Variants in EHD1 observed in about 807,000 individuals in gnomAD.
EHD1 encodes EH domain-containing protein 1.
In EHD1, 19 loss-of-function variants were observed where a neutral mutation model predicts 39.0. The ratio of observed to expected loss-of-function variants is 0.49; its 90% confidence interval spans 0.34 to 0.72. The LOEUF (loss-of-function observed/expected upper bound fraction) is 0.72, where lower values mean the gene tolerates loss of function less well. Among genes scored for constraint, EHD1 ranks in the 30% least tolerant of loss-of-function variants. The probability of loss-of-function intolerance (pLI) is 0.01; values close to 1 mark genes in which losing one functional copy is unlikely to be tolerated. For synonymous variants in EHD1, 323 were observed against 331.2 expected (o/e 0.98, Z 0.27); for missense variants, 542 against 751.5 (o/e 0.72, Z 3.26).
rs1182999011 is a variant in EHD1, at chr11:64,862,736, A to AGGT, written c.503-2403_503-2401dup. ...ACATAGCAAAATCCCGACTCTACAA[A>AGGT]GGTGGTGCAGGCCTGTAGTCCCAGC... On this transcript the variant is annotated intron_variant, in intron 2 of 4. Coordinates refer to ENST00000320631, the MANE Select transcript of EHD1 (RefSeq NM_006795.4). 3.9e-5 allele frequency among the ~76,000 whole-genome samples: 6 copies of AGGT among 152,216 alleles called. No homozygotes were observed. In the East Asian group the frequency reaches 1.2e-3, roughly 29 times the overall value.
chr11:64,852,911 C>G lies in EHD1; in HGVS notation c.*1422G>C. The stretch of plus-strand genomic sequence containing the variant: ...AGAACAAGGCCAGTTCCTGCAGACT[C>G]CGAGCAGCGCTGGGGAGAAGCTCCC... On this transcript the variant is annotated 3_prime_UTR_variant, in exon 5 of 5. Transcript: ENST00000320631. 6.6e-6 allele frequency: 1 copy of G among 152,400 alleles called. No individual in the cohort carries two copies. Among genetic ancestry groups the G allele is most frequent in the East Asian group, 1.9e-4 (1 of 5,202 alleles). 9.4% of individuals were successfully genotyped at this position (152,400 alleles called of 1,614,324 possible).
chr11:64,878,413 A>G lies in EHD1; in HGVS notation c.52T>C (p.Phe18Leu). 3 of 1,613,754 alleles carry G rather than the reference A, an allele frequency of 1.9e-6. No individual in the cohort carries two copies. The highest frequency in any genetic ancestry group is 1.7e-6 in the Non-Finnish European group (2 of 1,179,958). Reference protein sequence around the residue: ...DARRKKEPELFQTVAEGLRQL... With the variant: ...DARRKKEPELLQTVAEGLRQL... ...CGCAGCCCCTCAGCCACCGTCTGGA[A>G]GAGCTCCGGCTCCTTCTTGCGGCGG... Residue 18 changes from phenylalanine (F) to leucine (L), a missense_variant, in exon 1 of 5, where the codon TTC (phenylalanine) becomes CTC (leucine). Phe to Leu is a conservative substitution (Grantham distance 22). Coordinates refer to ENST00000320631, the MANE Select transcript of EHD1 (RefSeq NM_006795.4).
intron 2 of EHD1, among the ~76,000 whole-genome samples, chr11:64,866,534 T>G (rs977620723): frequency 4.0e-5 from 6 of 151,814 alleles, no homozygotes; most frequent in South Asian, 4.2e-4. Flanking sequence ...TTAAAAAAAT[T>G]TGGGTGTGGT....
Position 64,878,075 on chromosome 11 carries a change from G to C in EHD1, c.390C>G (p.Asn130Lys). 6.6e-7 allele frequency: 1 copy of C among 1,522,362 alleles called. No homozygotes were observed. Among genetic ancestry groups the C allele is most frequent in the South Asian group, 1.3e-5 (1 of 78,828 alleles). 94.3% of individuals were successfully genotyped at this position (1,522,362 alleles called of 1,614,324 possible). A position where few individuals can be genotyped will look rare whatever the true frequency, so the allele number is the denominator to read the frequency against. The change falls in exon 1 of 5, where the codon AAC (asparagine) becomes AAG (lysine). Residue 130 changes from asparagine (N) to lysine (K), a missense_variant. By Grantham distance (94) the Asn-to-Lys change is moderately conservative. Transcript: ENST00000320631. Reference sequence around the variant, plus strand: ...TGGGTGGGTACCTGTTGAGGAAAGCGTTGCCAAACGCGTTGAGCTTGCGGA... The same window carrying C: ...TGGGTGGGTACCTGTTGAGGAAAGCCTTGCCAAACGCGTTGAGCTTGCGGA... ...RPFRKLNAFG[N>K]AFLNRFMCAQ...
chr11:64,867,439 C>T (rs1943779908), intron 2 of EHD1, among the ~76,000 whole-genome samples: 1 of 150,638 alleles, frequency 6.6e-6, no homozygotes, highest in Non-Finnish European at 1.5e-5. Context: ...AAAAAAAAGG[C>T]TAAGCGCGGC....
rs117115792 is a variant in EHD1, at chr11:64,874,502, G to C, written c.421C>G (p.Leu141Val). The C allele has an allele frequency of 6.6e-5, 106 of 1,609,256 alleles. No individual in the cohort carries two copies. Among genetic ancestry groups the C allele is most frequent in the Non-Finnish European group, 6.3e-5 (74 of 1,178,064 alleles). Reference sequence around the variant, plus strand: ...ATGCTGTCCAGGACGGGGTTGGGCAGCTGGGCACACATGAACCTACATGAG... The same window carrying C: ...ATGCTGTCCAGGACGGGGTTGGGCACCTGGGCACACATGAACCTACATGAG... ...AFLNRFMCAQ[L>V]PNPVLDSISI... Residue 141 changes from leucine (L) to valine (V), a missense_variant, in exon 2 of 5, where the codon CTG (leucine) becomes GTG (valine). Coordinates refer to ENST00000320631, the MANE Select transcript of EHD1 (RefSeq NM_006795.4).
intron 4 of EHD1, 183 bp downstream of exon 4, chr11:64,855,139 C>A: frequency 9.6e-7 from 1 of 1,042,400 alleles, no homozygotes. Flanking sequence ...CACCACATTC[C>A]CCTCTGCAGT....
At chr11:64,879,559 G>C, upstream of EHD1, 1 of 1,547,896 alleles carries the variant, frequency 6.5e-7, no homozygotes, top group Non-Finnish European at 8.7e-7. Flanking sequence ...TTCCTCTCGG[G>C]GTCACCACCA....
chr11:64,859,722 C>G (rs923515974), intron 3 of EHD1: 16 of 705,044 alleles, frequency 2.3e-5, no homozygotes, highest in Non-Finnish European at 3.2e-5. Context: ...AGAGGGAGGC[C>G]GGGTAGAGAA....
At chr11:64,866,506 A>AC (rs1943768540) in intron 2 of EHD1, among the ~76,000 whole-genome samples, 5 of 151,654 alleles carry the variant, frequency 3.3e-5, no homozygotes, top group Middle Eastern at 3.4e-3. Context: ...ACATAGCGAG[A>AC]CCCCCCTCTA....
intron 3 of EHD1, 86 bp downstream of exon 3, chr11:64,859,838 C>A: frequency 6.6e-7 from 1 of 1,507,806 alleles, no homozygotes; most frequent in Admixed American, 2.2e-5. Flanking sequence ...GGAAGGGTCT[C>A]GGGCAATCCT....
Position 64,854,811 on chromosome 11 carries a change from G to A in EHD1, c.1127C>T (p.Pro376Leu). The A allele has an allele frequency of 6.2e-7, 1 of 1,602,096 alleles. No individual in the cohort carries two copies. The highest frequency in any genetic ancestry group is 8.5e-7 in the Non-Finnish European group (1 of 1,179,954). The change falls in exon 5 of 5, where the codon CCC becomes CTC. Residue 376 changes from proline (P) to leucine (L), a missense_variant. By Grantham distance (98) the Pro-to-Leu change is moderately conservative (BLOSUM62 -3). Transcript: ENST00000320631. Reference sequence around the variant, plus strand: ...GTCATCCACCGTGTCCAGCAGCTTGGGCTTCAGCGCCTGGAACTTGCTGAA... The same window carrying A: ...GTCATCCACCGTGTCCAGCAGCTTGAGCTTCAGCGCCTGGAACTTGCTGAA... ...QDFSKFQALK[P>L]KLLDTVDDML...
At chr11:64,857,370 GC>G (rs1276744668) in intron 3 of EHD1, among the ~76,000 whole-genome samples, 1 of 152,180 alleles carries the variant, frequency 6.6e-6, no homozygotes, top group Admixed American at 6.5e-5. Context: ...GTTGCAGTGA[GC>G]CGAGATTGCG....
At chr11:64,858,683 T>C (rs1360053663) in intron 3 of EHD1, among the ~76,000 whole-genome samples, 1 of 152,246 alleles carries the variant, frequency 6.6e-6, no homozygotes, top group East Asian at 1.9e-4. Context: ...TGGCTCACGA[T>C]AGGGTGCTAT....
At chr11:64,861,462 C>T (rs140894239) in intron 2 of EHD1, among the ~76,000 whole-genome samples, 72 of 152,278 alleles carry the variant, frequency 4.7e-4, no homozygotes, top group African/African-American at 1.7e-3. Flanking sequence ...TGCCCTGGGA[C>T]GGTAGTGACA....
Position 64,874,455 on chromosome 11 carries a change from C to A in EHD1, c.468G>T (p.Gly156=). The change falls in exon 2 of 5, where the codon GGG becomes GGT. Residue 156 remains glycine, a synonymous_variant. Transcript: ENST00000320631. ...LDSISIIDTP[G]ILSGEKQRIS... ...TCCGCTGCTTCTCTCCAGACAGGAT[C>A]CCGGGGGTGTCGATGATGCTGATGC... 5 of 1,610,200 alleles carry A rather than the reference C, an allele frequency of 3.1e-6. No homozygotes were observed. Among genetic ancestry groups the A allele is most frequent in the Non-Finnish European group, 4.2e-6 (5 of 1,178,520 alleles).
At chr11:64,857,172 C>G (rs535334214) in intron 3 of EHD1, among the ~76,000 whole-genome samples, 8 of 152,204 alleles carry the variant, frequency 5.3e-5, no homozygotes, top group Non-Finnish European at 8.8e-5. Flanking sequence ...CGCCTGTAAT[C>G]CCAGCATTTT....
chr11:64,854,822 C>T lies in EHD1; in HGVS notation c.1116G>A (p.Gln372=), dbSNP rs377283865. 2.0e-4 allele frequency: 322 copies of T among 1,600,608 alleles called. No individual in the cohort carries two copies. Among genetic ancestry groups the T allele is most frequent in the Admixed American group, 2.5e-4 (15 of 60,016 alleles). The change falls in exon 5 of 5, where the codon CAG becomes CAA. Residue 372 remains glutamine, a synonymous_variant. Transcript: ENST00000320631. ...LLQTQDFSKF[Q]ALKPKLLDTV... Reference sequence around the variant, plus strand: ...TGTCCAGCAGCTTGGGCTTCAGCGCCTGGAACTTGCTGAAGTCCTGGGTCT... The same window carrying T: ...TGTCCAGCAGCTTGGGCTTCAGCGCTTGGAACTTGCTGAAGTCCTGGGTCT...
In EHD1 at chr11:64,860,304, C is replaced by T. The variant is rs372656658; in HGVS notation, c.535G>A (p.Ala179Thr). 1.2e-4 allele frequency: 193 copies of T among 1,613,544 alleles called. No individual in the cohort carries two copies. Among genetic ancestry groups the T allele is most frequent in the Non-Finnish European group, 1.5e-4 (176 of 1,179,974 alleles). The change falls in exon 3 of 5, where the codon GCG becomes ACG. Residue 179 changes from alanine (A) to threonine (T), a missense_variant. Ala to Thr is a moderately conservative substitution (Grantham distance 58, BLOSUM62 0). Transcript: ENST00000320631. ...YDFAAVLEWF[A>T]ERVDRIILLF... Reference sequence around the variant, plus strand: ...AGGATGATGCGGTCCACACGCTCCGCGAACCACTCCAGGACGGCTGCAAAG... The same window carrying T: ...AGGATGATGCGGTCCACACGCTCCGTGAACCACTCCAGGACGGCTGCAAAG...
Sources: allele counts gnomAD v4.1 joint callset (sites outside exome capture counted in the v4.1 genomes callset), GRCh38; gene constraint gnomAD v4.1.1; transcripts MANE v1.5; gene names NCBI Gene and HGNC (gene_info 2026-07-23, HGNC 2026-07-21).